Variants in TENM2 observed in about 807,000 individuals in gnomAD.
TENM2 encodes the protein teneurin-2.
A neutral mutation model predicts 245.2 loss-of-function variants in TENM2; 52 were observed. The observed-to-expected ratio is 0.21, with a 90% confidence interval of 0.17 to 0.27. TENM2 has a LOEUF of 0.27. TENM2 is among the 10% of genes least tolerant of loss of function. TENM2 has a pLI of 1.00. For synonymous variants in TENM2, 1,363 were observed against 1,438.9 expected (o/e 0.95, Z 1.19); for missense variants, 3,046 against 3,666.8 (o/e 0.83, Z 4.37).
At position 167,319,006 on chromosome 5, in the gene TENM2, G is replaced by A. The variant is rs559982693; in HGVS notation, c.226+33943G>A. Among the ~76,000 whole-genome samples, 9 of 152,214 alleles carry A rather than the reference G, an allele frequency of 5.9e-5. No individual in the cohort carries two copies. The East Asian group carries it at 9.6e-4, about 16-fold the overall frequency. On this transcript the variant is annotated intron_variant, in intron 1 of 28. Coordinates refer to ENST00000518659, the Ensembl canonical transcript of TENM2. ...GCCTTGCAAAGGCAACTTGTCATTC[G>A]AGGCTTTCTTTTATGGGATATTTAG...
At chr5:167,561,330 T>C (rs1016150290) in intron 2 of TENM2, among the ~76,000 whole-genome samples, 4 of 152,234 alleles carry the variant, frequency 2.6e-5, no homozygotes, top group African/African-American at 9.6e-5. Context: ...AGTGAAAGGA[T>C]AGGGCCTGCA....
intron 2 of TENM2, among the ~76,000 whole-genome samples, chr5:167,794,617 A>G (rs974115172): frequency 2.0e-5 from 3 of 152,228 alleles, no homozygotes; most frequent in Non-Finnish European, 2.9e-5. Context: ...GGAAGGAGAA[A>G]GAAGTAGGCA....
intron 2 of TENM2, among the ~76,000 whole-genome samples, chr5:167,500,324 A>C (rs1342658911): frequency 1.3e-5 from 2 of 152,098 alleles, no homozygotes; most frequent in African/African-American, 4.8e-5. Context: ...CATCCAGTGA[A>C]TATAACCCTA....
chr5:168,204,698 T>G (rs1762215892), intron 19 of TENM2, 77 bp downstream of exon 21: 1 of 1,545,416 alleles, frequency 6.5e-7, no homozygotes, highest in Non-Finnish European at 8.8e-7. Context: ...TAACTGGGGC[T>G]GCATTTGGGA....
intron 1 of TENM2, among the ~76,000 whole-genome samples, chr5:167,323,398 T>C (rs1369779073): frequency 6.6e-6 from 1 of 152,210 alleles, no homozygotes; most frequent in African/African-American, 2.4e-5. Flanking sequence ...TGTGTATATG[T>C]GTATGGTGCA....
intron 4 of TENM2, chr5:167,965,063 T>A (rs1057487498): frequency 2.6e-5 from 4 of 152,140 alleles, no homozygotes; most frequent in Non-Finnish European, 5.9e-5. Context: ...GTGGCATGCC[T>A]TTGATTAGGG....
intron 25 of TENM2, among the ~76,000 whole-genome samples, chr5:168,243,687 G>T (rs1429292582): frequency 6.6e-6 from 1 of 152,132 alleles, no homozygotes; most frequent in Non-Finnish European, 1.5e-5. Flanking sequence ...CCCCAGGGTG[G>T]CCAGGCAGCC....
At chr5:167,860,149 C>T in intron 2 of TENM2, among the ~76,000 whole-genome samples, 1 of 104,474 alleles carries the variant, frequency 9.6e-6, no homozygotes, top group Non-Finnish European at 2.0e-5. Flanking sequence ...AAGTGAGGAG[C>T]CCCTCTGCCC....
intron 25 of TENM2, among the ~76,000 whole-genome samples, chr5:168,238,231 AAAG>A (rs1191797764): frequency 1.0e-5 from 1 of 97,190 alleles, no homozygotes; most frequent in Non-Finnish European, 2.1e-5. Context: ...GAAGAAAAGA[AAAG>A]AAAAGAAAAG....
chr5:167,839,939 T>C (rs921825304), intron 2 of TENM2, among the ~76,000 whole-genome samples: 2 of 152,222 alleles, frequency 1.3e-5, no homozygotes, highest in Non-Finnish European at 2.9e-5. Flanking sequence ...TGCTTCAGCC[T>C]CCCAAGTAGC....
intron 2 of TENM2, among the ~76,000 whole-genome samples, chr5:167,753,629 G>T (rs550824815): frequency 3.9e-5 from 6 of 152,222 alleles, no homozygotes; most frequent in African/African-American, 1.4e-4. Flanking sequence ...GAGGCACAGT[G>T]TGGGTAAGTC....
At chr5:167,003,053 T>C in the TENM2 span, among the ~76,000 whole-genome samples, 1 of 152,316 alleles carries the variant, frequency 6.6e-6, no homozygotes, top group Middle Eastern at 3.4e-3. Context: ...TCTTCCTGAT[T>C]TGTACTTGTG....
the TENM2 span, among the ~76,000 whole-genome samples, chr5:167,173,949 A>T: frequency 6.6e-6 from 1 of 152,244 alleles, no homozygotes; most frequent in African/African-American, 2.4e-5. Flanking sequence ...TTTTAAAATG[A>T]TCCTTATGTG....
intron 2 of TENM2, among the ~76,000 whole-genome samples, chr5:167,859,046 A>G (rs376195516): frequency 0.093 from 10,003 of 107,786 alleles, no homozygotes; most frequent in South Asian, 0.18. Context: ...CCCGGCCGCC[A>G]TCACATCTAG....
At chr5:167,420,722 C>T (rs1561940604) in intron 2 of TENM2, among the ~76,000 whole-genome samples, 1 of 152,132 alleles carries the variant, frequency 6.6e-6, no homozygotes, top group African/African-American at 2.4e-5. Context: ...GATACCTCGT[C>T]TTTTTCCGAC....
chr5:167,050,488 C>G, the TENM2 span, among the ~76,000 whole-genome samples: 1 of 152,162 alleles, frequency 6.6e-6, no homozygotes, highest in Non-Finnish European at 1.5e-5. Context: ...AAGACAGGCA[C>G]TATGCCTTGA....
At chr5:167,004,697 T>C in the TENM2 span, among the ~76,000 whole-genome samples, 9 of 152,314 alleles carry the variant, frequency 5.9e-5, no homozygotes, top group African/African-American at 2.2e-4. Context: ...AAATAAAACT[T>C]GATATATAAA....
rs527615121 is a variant in TENM2 at position 167,816,351 on chromosome 5, C to A, written c.503-59635C>A. ...GTATAGACAAGAAACATGCTATGAGCCCTCCTTCTAAAGACCTTACCTTTA... is the reference window on the plus strand; with the variant it reads ...GTATAGACAAGAAACATGCTATGAGACCTCCTTCTAAAGACCTTACCTTTA... On this transcript the variant is annotated intron_variant, in intron 2 of 28. Coordinates refer to ENST00000518659, the Ensembl canonical transcript of TENM2. Among the ~76,000 whole-genome samples the A allele has an allele frequency of 1.4e-4, 21 of 152,264 alleles. No homozygotes were observed. In the East Asian group the frequency reaches 3.9e-3, roughly 28 times the overall value.
At chr5:167,807,487 A>C (rs554789465) in intron 2 of TENM2, among the ~76,000 whole-genome samples, 1 of 152,158 alleles carries the variant, frequency 6.6e-6, no homozygotes, top group Non-Finnish European at 1.5e-5. Flanking sequence ...ATGAGAAGAC[A>C]CTAGTCTATG....
Sources: gnomAD v4.1 joint callset for allele counts (sites outside exome capture counted in the v4.1 genomes callset) on GRCh38, gnomAD v4.1.1 for gene constraint, MANE v1.5 for transcripts, NCBI Gene and HGNC (gene_info 2026-07-23, HGNC 2026-07-21) for gene names.